The following SLC6A20 variants were observed in gnomAD, a reference collection of about 807,000 sequenced individuals.
SLC6A20 encodes the protein sodium- and chloride-dependent transporter XTRP3.
In SLC6A20, 73 loss-of-function variants were observed where a neutral mutation model predicts 64.3. That is an observed-to-expected ratio of 1.14 (90% CI 0.94 to 1.38). The LOEUF is 1.38. SLC6A20 is among the 40% of genes most tolerant of loss of function. SLC6A20 has a pLI of 0.00. For synonymous variants in SLC6A20, 347 were observed against 329.6 expected (o/e 1.05, Z -0.57); for missense variants, 725 against 772.8 (o/e 0.94, Z 0.73).
chr3:45,780,465 C>T (rs902286612), intron 2 of SLC6A20, among the ~76,000 whole-genome samples: 6 of 152,190 alleles, frequency 3.9e-5, no homozygotes, highest in South Asian at 2.1e-4. Flanking sequence ...CAAGACTACC[C>T]GGCTGTTAAG....
intron 1 of SLC6A20, among the ~76,000 whole-genome samples, chr3:45,793,667 C>T (rs1283854946): frequency 6.6e-6 from 1 of 152,114 alleles, no homozygotes; most frequent in Non-Finnish European, 1.5e-5. Flanking sequence ...ATCCCTAATC[C>T]GTCTTATTCT....
Position 45,780,013 on chromosome 3 carries a change from A to G in SLC6A20, c.350T>C (p.Phe117Ser), listed in dbSNP as rs1408638599. 6.2e-7 allele frequency: 1 copy of G among 1,600,296 alleles called. No individual in the cohort carries two copies. Among genetic ancestry groups the G allele is most frequent in the Non-Finnish European group, 8.5e-7 (1 of 1,173,342 alleles). The change falls in exon 3 of 11, where the codon TTC (phenylalanine) becomes TCC (serine). Residue 117 changes from phenylalanine to serine, a missense_variant. Coordinates refer to ENST00000358525, the MANE Select transcript of SLC6A20 (RefSeq NM_020208.4). ...GGCACGGGCCCCCCGGCTCACCTGG[A>G]AGGAGTGGAAGAGGTACCAGAAGGC... ...AWAFWYLFHS[F>S]QDPLPWSVCP...
intron 1 of SLC6A20, among the ~76,000 whole-genome samples, chr3:45,788,889 T>C (rs903397834): frequency 6.6e-6 from 1 of 152,226 alleles, no homozygotes; most frequent in Non-Finnish European, 1.5e-5. Context: ...GGTTGTGTTA[T>C]AGTAGAACTA....
intron 3 of SLC6A20, among the ~76,000 whole-genome samples, chr3:45,778,303 G>C (rs2125648818): frequency 6.6e-6 from 1 of 152,348 alleles, no homozygotes; most frequent in African/African-American, 2.4e-5. Context: ...TGGGGTGGCT[G>C]TTTTGATTAC....
Position 45,783,177 on chromosome 3 carries a change from T to C in SLC6A20, c.122-954A>G, listed in dbSNP as rs751867909. Among the ~76,000 whole-genome samples the C allele has an allele frequency of 4.9e-4, 74 of 152,210 alleles. 1 individual carries two copies. The highest frequency in any genetic ancestry group is 3.4e-4 in the Non-Finnish European group (23 of 68,040). On this transcript the variant is annotated intron_variant, in intron 1 of 10. Coordinates refer to ENST00000358525, the MANE Select transcript of SLC6A20 (RefSeq NM_020208.4). ...GCTCCCTGCCCTTGAGGTTCCCTGC[T>C]GTTGGTGATGGTGGGGAGCCAGGGA...
At chr3:45,794,106 C>T (rs1456522931) in intron 1 of SLC6A20, among the ~76,000 whole-genome samples, 1 of 152,188 alleles carries the variant, frequency 6.6e-6, no homozygotes, top group African/African-American at 2.4e-5. Flanking sequence ...TGAGGAGAGT[C>T]AGAGAGCACA....
At chr3:45,785,211 G>A (rs1700151143) in intron 1 of SLC6A20, among the ~76,000 whole-genome samples, 1 of 152,162 alleles carries the variant, frequency 6.6e-6, no homozygotes. Context: ...GACTACAAGG[G>A]GCATGATTTT....
chr3:45,783,124 T>C (rs1700124228), intron 1 of SLC6A20, among the ~76,000 whole-genome samples: 1 of 152,220 alleles, frequency 6.6e-6, no homozygotes, highest in Non-Finnish European at 1.5e-5. Flanking sequence ...AGCCCCTGGC[T>C]GGTGTGGAAT....
At chr3:45,778,515 A>G (rs1237988766) in intron 3 of SLC6A20, among the ~76,000 whole-genome samples, 1 of 152,212 alleles carries the variant, frequency 6.6e-6, no homozygotes, top group Non-Finnish European at 1.5e-5. Flanking sequence ...GCTGGCCCCC[A>G]TACTTCTGAC....
Position 45,756,753 on chromosome 3 carries a change from G to A in SLC6A20, c.*2225C>T, listed in dbSNP as rs1352807148. 1.3e-5 allele frequency: 2 copies of A among 152,112 alleles called. No individual in the cohort carries two copies. Among genetic ancestry groups the A allele is most frequent in the South Asian group, 2.1e-4 (1 of 4,822 alleles). 9.4% of individuals were successfully genotyped at this position (152,112 alleles called of 1,614,324 possible). ...GGGACTCGCTCACTTTAGGGGTAAC[G>A]ACCTACTTTATTGCAGTTAAAAAAA... On this transcript the variant is annotated 3_prime_UTR_variant, in exon 11 of 11. Transcript: ENST00000358525.
At chr3:45,761,229 C>A (rs1013920129) in intron 9 of SLC6A20, among the ~76,000 whole-genome samples, 2 of 151,762 alleles carry the variant, frequency 1.3e-5, no homozygotes, top group African/African-American at 2.4e-5. Flanking sequence ...CATAACCCCC[C>A]CCCCTTTCCT....
chr3:45,779,459 G>A (rs1700031587), intron 3 of SLC6A20, among the ~76,000 whole-genome samples: 1 of 152,202 alleles, frequency 6.6e-6, no homozygotes, highest in Non-Finnish European at 1.5e-5. Context: ...AAATGTTTAG[G>A]AATGGCCCTA....
chr3:45,782,653 A>ATCCC (rs1700115841), intron 1 of SLC6A20, among the ~76,000 whole-genome samples: 1 of 149,240 alleles, frequency 6.7e-6, no homozygotes, highest in Admixed American at 6.7e-5. Context: ...CCATCCATCC[A>ATCCC]TCCATCCAAC....
chr3:45,791,435 T>C (rs1456304704), intron 1 of SLC6A20, among the ~76,000 whole-genome samples: 1 of 152,092 alleles, frequency 6.6e-6, no homozygotes, highest in Non-Finnish European at 1.5e-5. Context: ...CACAGACAAA[T>C]AGAGGCTTCT....
At chr3:45,780,484 C>G (rs1700061798) in intron 2 of SLC6A20, among the ~76,000 whole-genome samples, 1 of 152,238 alleles carries the variant, frequency 6.6e-6, no homozygotes, top group Non-Finnish European at 1.5e-5. Context: ...AGTGGCAGAA[C>G]TGGGTTCACA....
intron 1 of SLC6A20, chr3:45,790,592 C>T (rs1318723261): frequency 1.3e-5 from 2 of 152,306 alleles, no homozygotes; most frequent in African/African-American, 2.4e-5. Flanking sequence ...CTGACTGTCA[C>T]TGGTTTAAAC....
chr3:45,787,622 T>A (rs775757063), intron 1 of SLC6A20, among the ~76,000 whole-genome samples: 17 of 152,084 alleles, frequency 1.1e-4, no homozygotes, highest in Non-Finnish European at 1.8e-4. Context: ...CATCACTTCC[T>A]CCAAGTGTCA....
rs540282011 is a variant in SLC6A20 at position 45,771,520 on chromosome 3, G to A, written c.694-62C>T. 91 of 1,601,736 alleles carry A rather than the reference G, an allele frequency of 5.7e-5. No individual in the cohort carries two copies. The Admixed American group carries it at 1.2e-3, about 22-fold the overall frequency. ...GGTGGAATCCCAAATGCTCAGACCCGCAACAGGAGAGTAGCCCAGAGAGGG... is the reference window on the plus strand; with the variant it reads ...GGTGGAATCCCAAATGCTCAGACCCACAACAGGAGAGTAGCCCAGAGAGGG... On this transcript the variant is annotated intron_variant, in intron 5 of 10. Coordinates refer to ENST00000358525, the MANE Select transcript of SLC6A20 (RefSeq NM_020208.4).
At chr3:45,766,222 G>A (rs1699774412) in intron 7 of SLC6A20, among the ~76,000 whole-genome samples, 1 of 152,142 alleles carries the variant, frequency 6.6e-6, no homozygotes, top group African/African-American at 2.4e-5. Flanking sequence ...CTCTGTTGCG[G>A]AAATGTTAAA....
Sources: gnomAD v4.1 joint callset for allele counts (sites outside exome capture counted in the v4.1 genomes callset) on GRCh38, gnomAD v4.1.1 for gene constraint, MANE v1.5 for transcripts, NCBI Gene and HGNC (gene_info 2026-07-23, HGNC 2026-07-21) for gene names.